The following HMGCLL1 variants were observed in gnomAD, a reference collection of about 807,000 sequenced individuals.
HMGCLL1 encodes the protein 3-hydroxymethyl-3-methylglutaryl-CoA lyase, cytoplasmic.
A neutral mutation model predicts 39.1 loss-of-function variants in HMGCLL1; 36 were observed. The observed-to-expected ratio is 0.92, with a 90% confidence interval of 0.71 to 1.22. The LOEUF is 1.22. HMGCLL1 is among the 50% of genes most tolerant of loss of function. The pLI is 0.00. For synonymous variants in HMGCLL1, 149 were observed against 144.0 expected (o/e 1.03, Z -0.25); for missense variants, 451 against 416.5 (o/e 1.08, Z -0.72).
At chr6:55,514,994 C>T (rs1321512310) in intron 4 of HMGCLL1, among the ~76,000 whole-genome samples, 5 of 152,084 alleles carry the variant, frequency 3.3e-5, no homozygotes, top group Admixed American at 3.3e-4. Flanking sequence ...GTGGCTCACG[C>T]CTGTAATCCC....
intron 5 of HMGCLL1, among the ~76,000 whole-genome samples, 184 bp from the exon 6 acceptor site, chr6:55,499,483 A>G (rs748574591): frequency 3.3e-5 from 5 of 152,122 alleles, no homozygotes; most frequent in Non-Finnish European, 7.4e-5. Context: ...TCACATTTTT[A>G]TCTTTCTATA....
the HMGCLL1 span, among the ~76,000 whole-genome samples, chr6:55,653,209 GA>G: frequency 6.6e-6 from 1 of 151,748 alleles, no homozygotes; most frequent in Non-Finnish European, 1.5e-5. Context: ...TTTATGGCAA[GA>G]AAAAAATTCT....
chr6:55,597,522 A>T, the HMGCLL1 span, among the ~76,000 whole-genome samples: 1 of 151,986 alleles, frequency 6.6e-6, no homozygotes, highest in Non-Finnish European at 1.5e-5. Flanking sequence ...TGTTAAAAAA[A>T]AAAAGAAGGA....
At chr6:55,534,450 A>C (rs1768891990) in intron 3 of HMGCLL1, among the ~76,000 whole-genome samples, 1 of 152,194 alleles carries the variant, frequency 6.6e-6, no homozygotes, top group Admixed American at 6.5e-5. Flanking sequence ...CTTGGTTATA[A>C]AAGCCATACC....
chr6:55,649,427 G>A, the HMGCLL1 span, among the ~76,000 whole-genome samples: 56 of 146,650 alleles, frequency 3.8e-4, 1 homozygote, highest in East Asian at 1.2e-3. Context: ...ACTCTCTCCC[G>A]TCCTGTTAGA....
chr6:55,619,598 G>T, the HMGCLL1 span, among the ~76,000 whole-genome samples: 3 of 151,980 alleles, frequency 2.0e-5, no homozygotes, highest in East Asian at 5.8e-4. Flanking sequence ...TATTTATGGG[G>T]TATGTGAGAT....
chr6:55,563,301 A>G (rs866596307), intron 1 of HMGCLL1, among the ~76,000 whole-genome samples: 1 of 152,246 alleles, frequency 6.6e-6, no homozygotes, highest in Non-Finnish European at 1.5e-5. Context: ...AATTAAAGCC[A>G]AAATGTAAAA....
chr6:55,660,328 T>C, the HMGCLL1 span, among the ~76,000 whole-genome samples: 1 of 151,804 alleles, frequency 6.6e-6, no homozygotes, highest in African/African-American at 2.4e-5. Context: ...GTACTAAGCC[T>C]AGTACCCAAT....
At chr6:55,667,441 T>A in the HMGCLL1 span, among the ~76,000 whole-genome samples, 1 of 151,788 alleles carries the variant, frequency 6.6e-6, no homozygotes, top group African/African-American at 2.4e-5. Context: ...TCACCCTCAT[T>A]TCAAAGATAA....
chr6:55,495,217 C>T (rs1489155768), intron 7 of HMGCLL1, among the ~76,000 whole-genome samples: 1 of 152,116 alleles, frequency 6.6e-6, no homozygotes. Flanking sequence ...ATCAAACTAA[C>T]AGTAATAAGA....
the HMGCLL1 span, among the ~76,000 whole-genome samples, chr6:55,600,032 G>T: frequency 6.6e-6 from 1 of 152,076 alleles, no homozygotes; most frequent in Non-Finnish European, 1.5e-5. Flanking sequence ...TCTTACTTCA[G>T]TGTTTCTTCT....
At chr6:55,496,899 G>C (rs951582231) in intron 6 of HMGCLL1, among the ~76,000 whole-genome samples, 6 of 152,116 alleles carry the variant, frequency 3.9e-5, no homozygotes, top group Non-Finnish European at 5.9e-5. Flanking sequence ...GTTATACCTA[G>C]ATTTTTGACT....
chr6:55,608,248 G>T, the HMGCLL1 span, among the ~76,000 whole-genome samples: 453 of 152,086 alleles, frequency 3.0e-3, 1 homozygote, highest in African/African-American at 0.01. Flanking sequence ...TACTCCATGG[G>T]GACACTGTTA....
At chr6:55,486,174 CAT>C (rs1371389697) in intron 7 of HMGCLL1, among the ~76,000 whole-genome samples, 1 of 150,392 alleles carries the variant, frequency 6.6e-6, no homozygotes, top group African/African-American at 2.4e-5. Context: ...ACTAATTTAA[CAT>C]GTTTCCTCTG....
the HMGCLL1 span, among the ~76,000 whole-genome samples, chr6:55,597,268 A>G: frequency 5.3e-5 from 8 of 152,120 alleles, no homozygotes; most frequent in Non-Finnish European, 8.8e-5. Context: ...ACTTAGATTC[A>G]TATATACTTT....
At chr6:55,541,089 G>T (rs2127456372) in intron 3 of HMGCLL1, among the ~76,000 whole-genome samples, 1 of 152,220 alleles carries the variant, frequency 6.6e-6, no homozygotes, top group African/African-American at 2.4e-5. Flanking sequence ...CACTGGATTA[G>T]GAAGAGTGTT....
chr6:55,543,160 TATATATA>T (rs1157412474), intron 1 of HMGCLL1, among the ~76,000 whole-genome samples: 218 of 6,218 alleles, frequency 0.035, 39 homozygotes, highest in African/African-American at 0.062. Context: ...ATATATATTA[TATATATA>T]ATATATAATA....
intron 1 of HMGCLL1, among the ~76,000 whole-genome samples, chr6:55,564,826 G>T (rs968231978): frequency 5.7e-4 from 79 of 137,530 alleles, no homozygotes; most frequent in African/African-American, 2.1e-3. Flanking sequence ...AAAGGAGAAG[G>T]TCATGAAAGT....
chr6:55,658,440 G>A, the HMGCLL1 span, among the ~76,000 whole-genome samples: 2 of 151,990 alleles, frequency 1.3e-5, no homozygotes, highest in Admixed American at 1.3e-4. Flanking sequence ...AAACACCACT[G>A]GGAGTGAGAT....
Sources: allele counts gnomAD v4.1 joint callset (sites outside exome capture counted in the v4.1 genomes callset), GRCh38; gene constraint gnomAD v4.1.1; transcripts MANE v1.5; gene names NCBI Gene and HGNC (gene_info 2026-07-23, HGNC 2026-07-21).